The following INTS4 variants were observed in gnomAD, a reference collection of about 807,000 sequenced individuals.
INTS4 encodes the protein integrator complex subunit 4, also known as MSTP093.
In INTS4, 70 loss-of-function variants were observed where a neutral mutation model predicts 119.5. The observed-to-expected ratio is 0.59, with a 90% confidence interval of 0.48 to 0.71. INTS4 has a LOEUF of 0.71. Ranked by LOEUF, INTS4 falls within the 30% of genes least tolerant of loss-of-function variation. INTS4 has a pLI of 0.00. For synonymous variants in INTS4, 316 were observed against 419.6 expected, an observed-to-expected ratio of 0.75 and a Z score of 3.02; for missense variants, 867 against 1,173.2, an observed-to-expected ratio of 0.74 and a Z score of 3.81.
rs539721990 is a variant in INTS4 at position 77,881,951 on chromosome 11, AC to A, written c.2713+1880del. 5.4e-5 allele frequency among the ~76,000 whole-genome samples: 8 copies of A among 148,420 alleles called. No homozygotes were observed. In the South Asian group the frequency reaches 1.5e-3, roughly 28 times the overall value. The stretch of plus-strand genomic sequence containing the variant: ...TTTTGAGTCAGGGTCTTGCTCTGTT[AC>A]CCAGGCTGGAGTGTAGTGGCATGAT... On this transcript the variant is annotated intron_variant, in intron 22 of 22. Transcript: ENST00000534064.
At chr11:77,975,718 G>A (rs1469113760) in intron 4 of INTS4, among the ~76,000 whole-genome samples, 1 of 152,118 alleles carries the variant, frequency 6.6e-6, no homozygotes, top group Non-Finnish European at 1.5e-5. Flanking sequence ...AGCACTTTGG[G>A]AGGCCGAGGC....
At chr11:77,891,243 C>T in intron 21 of INTS4, 76 bp downstream of exon 21, 1 of 1,424,234 alleles carries the variant, frequency 7.0e-7, no homozygotes, top group Non-Finnish European at 9.7e-7. Context: ...CAAGTAGAGA[C>T]TACAGGGGTG....
chr11:77,876,402 CTTT>C (rs71272225), downstream of INTS4, among the ~76,000 whole-genome samples: 1 of 144,994 alleles, frequency 6.9e-6, no homozygotes, highest in Non-Finnish European at 1.5e-5. Context: ...ATAAAAAGGT[CTTT>C]TTTTTTTTTT....
intron 8 of INTS4, among the ~76,000 whole-genome samples, chr11:77,951,185 C>T (rs755130165): frequency 2.6e-5 from 4 of 152,138 alleles, no homozygotes; most frequent in Non-Finnish European, 5.9e-5. Context: ...AATAAACATA[C>T]ATGTGCTTGT....
chr11:77,958,605 G>C, intron 7 of INTS4, 141 bp downstream of exon 7: 1 of 603,092 alleles, frequency 1.7e-6, no homozygotes, highest in South Asian at 2.1e-5. Context: ...CTGATTTTCA[G>C]GGCCTGTGCT....
chr11:77,989,435 T>A (rs1275056877), intron 2 of INTS4, among the ~76,000 whole-genome samples: 2 of 152,022 alleles, frequency 1.3e-5, no homozygotes, highest in East Asian at 1.9e-4. Flanking sequence ...CACTCCAGCC[T>A]GGGCAACAGA....
intron 20 of INTS4, 21 bp downstream of exon 20, chr11:77,891,660 A>G: frequency 1.2e-6 from 2 of 1,611,404 alleles, no homozygotes; most frequent in Non-Finnish European, 8.5e-7. Flanking sequence ...TTTGGCCTAC[A>G]GGGGCCAAAT....
At chr11:77,938,225 G>C (rs890788783) in intron 10 of INTS4, among the ~76,000 whole-genome samples, 1 of 152,136 alleles carries the variant, frequency 6.6e-6, no homozygotes, top group Non-Finnish European at 1.5e-5. Flanking sequence ...ACATACCTAG[G>C]TTTAAATCTT....
intron 10 of INTS4, among the ~76,000 whole-genome samples, chr11:77,935,799 G>A (rs1953774137): frequency 2.0e-5 from 3 of 151,790 alleles, no homozygotes; most frequent in South Asian, 2.1e-4. Context: ...AGGAGGCTGA[G>A]GTGGGAAGAT....
intron 4 of INTS4, 103 bp downstream of exon 4, chr11:77,978,892 AC>A: frequency 3.0e-6 from 2 of 668,252 alleles, no homozygotes; most frequent in Non-Finnish European, 5.5e-6. Flanking sequence ...CTAATCCAAC[AC>A]CAAGAGATGA....
intron 7 of INTS4, among the ~76,000 whole-genome samples, chr11:77,956,722 T>A (rs1269016345): frequency 7.1e-5 from 1 of 14,070 alleles, no homozygotes; most frequent in African/African-American, 8.3e-4. Flanking sequence ...ATAATAATAA[T>A]AATAATAATA....
At chr11:77,982,195 G>A (rs1393119665) in intron 2 of INTS4, among the ~76,000 whole-genome samples, 1 of 151,036 alleles carries the variant, frequency 6.6e-6, no homozygotes, top group South Asian at 2.1e-4. Flanking sequence ...GAGTGCAGTG[G>A]CGCCATCATG....
chr11:77,897,983 A>G (rs1384810490), intron 18 of INTS4, among the ~76,000 whole-genome samples: 1 of 151,174 alleles, frequency 6.6e-6, no homozygotes, highest in Non-Finnish European at 1.5e-5. Flanking sequence ...CTAATTTTTG[A>G]TTTTTATTTT....
chr11:77,922,793 A>G (rs1001935044), intron 12 of INTS4: 1 of 361,632 alleles, frequency 2.8e-6, no homozygotes, highest in Non-Finnish European at 5.4e-6. Flanking sequence ...GTCCAGCCCA[A>G]GAGCTGAACC....
intron 7 of INTS4, among the ~76,000 whole-genome samples, chr11:77,957,832 C>T (rs1470045755): frequency 6.6e-6 from 1 of 151,684 alleles, no homozygotes; most frequent in Non-Finnish European, 1.5e-5. Context: ...CCATGTCCGG[C>T]TAATTTTTGT....
At chr11:77,975,410 T>G (rs1315458135) in intron 4 of INTS4, among the ~76,000 whole-genome samples, 1 of 152,178 alleles carries the variant, frequency 6.6e-6, no homozygotes. Flanking sequence ...TAATTTATAA[T>G]TTCATCCCAC....
intron 7 of INTS4, among the ~76,000 whole-genome samples, chr11:77,956,757 ATAAAC>A (rs1954337695): frequency 8.0e-6 from 1 of 125,692 alleles, no homozygotes; most frequent in Admixed American, 8.0e-5. Context: ...AATAATAATA[ATAAAC>A]AAATAAATAC....
intron 10 of INTS4, among the ~76,000 whole-genome samples, chr11:77,934,394 T>TAAAA (rs57661146): frequency 2.4e-5 from 3 of 125,394 alleles, no homozygotes; most frequent in Non-Finnish European, 4.9e-5. Context: ...CAATAAATAC[T>TAAAA]AAAAAAAAAA....
At position 77,958,829 on chromosome 11, in the gene INTS4, A is replaced by T; in HGVS notation, c.714T>A (p.Cys238Ter). 1 of 1,593,690 alleles carries T rather than the reference A, an allele frequency of 6.3e-7. No individual in the cohort carries two copies. ...GTTCATAGTCATCAGAGAGTAATTTACAGGCCTGCAAAGAAGAATTCCAAA... is the reference window on the plus strand; with the variant it reads ...GTTCATAGTCATCAGAGAGTAATTTTCAGGCCTGCAAAGAAGAATTCCAAA... ...KLHQTIYNQA[C>*]KLLSDDYEQV... is the part of the protein sequence containing the mutation. Residue 238 changes from cysteine to a stop codon, truncating the protein, a stop_gained, in exon 7 of 23, where the codon TGT becomes TGA. Transcript: ENST00000534064. LOFTEE classifies it high-confidence loss of function.
Sources: gnomAD v4.1 joint callset for allele counts (sites outside exome capture counted in the v4.1 genomes callset) on GRCh38, gnomAD v4.1.1 for gene constraint, MANE v1.5 for transcripts, NCBI Gene and HGNC (gene_info 2026-07-23, HGNC 2026-07-21) for gene names.